Variants in AVEN observed in about 807,000 individuals in gnomAD.
AVEN encodes the protein cell death regulator Aven.
AVEN carries 41 observed loss-of-function variants against 38.1 expected under a neutral mutation model. That is an observed-to-expected ratio of 1.08 (90% CI 0.84 to 1.40). The LOEUF is 1.40. AVEN is among the 40% of genes most tolerant of loss of function. AVEN has a pLI of 0.00. For missense variants in AVEN, 605 were observed against 438.8 expected (o/e 1.38, Z -3.38); for synonymous variants, 206 against 171.8 (o/e 1.20, Z -1.56).
chr15:34,051,785 C>T (rs183048153), intron 5 of AVEN, among the ~76,000 whole-genome samples: 1 of 151,986 alleles, frequency 6.6e-6, no homozygotes, highest in Admixed American at 6.5e-5. Context: ...CAAGACTGAA[C>T]CAAGAAGAAA....
chr15:33,972,734 A>G (rs1311109707), intron 2 of AVEN, among the ~76,000 whole-genome samples: 1 of 152,206 alleles, frequency 6.6e-6, no homozygotes, highest in Non-Finnish European at 1.5e-5. Context: ...TGTTTGCAAC[A>G]GTAGCCAAAA....
In AVEN at chr15:33,982,103, A is replaced by G. The variant is rs192177687; in HGVS notation, c.445+20929T>C. ...GCTGGTCTTGAACTCCTGACCTCAG[A>G]TGATCCACCCGCCTCAGCCTCCCAA... is the stretch of plus-strand genomic sequence containing the variant. On this transcript the variant is annotated intron_variant, in intron 2 of 5. Transcript: ENST00000306730. 4.0e-3 allele frequency among the ~76,000 whole-genome samples: 600 copies of G among 151,734 alleles called. 3 individuals are homozygous for G. The highest frequency in any genetic ancestry group is 0.013 in the African/African-American group (547 of 41,342).
At chr15:33,870,402 A>G (rs1162968201) in intron 4 of AVEN, among the ~76,000 whole-genome samples, 3 of 152,200 alleles carry the variant, frequency 2.0e-5, no homozygotes, top group Non-Finnish European at 2.9e-5. Context: ...TTTAAATGCC[A>G]GCTCAAATGT....
intron 2 of AVEN, among the ~76,000 whole-genome samples, chr15:33,997,992 G>A (rs1000977149): frequency 6.6e-6 from 1 of 151,960 alleles, no homozygotes; most frequent in East Asian, 1.9e-4. Context: ...CCACTTCCTT[G>A]ACAACTATTT....
intron 1 of AVEN, among the ~76,000 whole-genome samples, chr15:34,071,507 C>G (rs2140857357): frequency 6.6e-6 from 1 of 152,228 alleles, no homozygotes; most frequent in Non-Finnish European, 1.5e-5. Context: ...AACTCCTGAG[C>G]TCAAGTGATC....
At chr15:33,985,069 C>T (rs1896364136) in intron 2 of AVEN, among the ~76,000 whole-genome samples, 1 of 152,070 alleles carries the variant, frequency 6.6e-6, no homozygotes, top group Non-Finnish European at 1.5e-5. Flanking sequence ...ACCTGTCACA[C>T]TGAACTGTAT....
intron 2 of AVEN, among the ~76,000 whole-genome samples, chr15:33,878,456 G>C (rs1891344315): frequency 1.4e-5 from 2 of 145,020 alleles, no homozygotes; most frequent in South Asian, 4.2e-4. Flanking sequence ...TGAGAAACTA[G>C]GCTAGTTACC....
intron 2 of AVEN, among the ~76,000 whole-genome samples, chr15:33,894,045 G>C (rs1421383372): frequency 6.6e-6 from 1 of 150,950 alleles, no homozygotes; most frequent in East Asian, 1.9e-4. Flanking sequence ...CACCTCCTGG[G>C]CTCAAGTGAT....
chr15:33,989,145 C>G (rs568662630), intron 2 of AVEN, among the ~76,000 whole-genome samples: 6 of 141,832 alleles, frequency 4.2e-5, no homozygotes, highest in Admixed American at 1.4e-4. Flanking sequence ...AAATCCCACA[C>G]AAACACACAC....
In AVEN at chr15:34,052,868, A is replaced by G. The variant is rs551967320; in HGVS notation, n.1637+10054T>C. 2.6e-5 allele frequency among the ~76,000 whole-genome samples: 4 copies of G among 152,328 alleles called. No individual in the cohort carries two copies. The South Asian group carries it at 8.3e-4, about 32-fold the overall frequency. On this transcript the variant is annotated intron_variant and non_coding_transcript_variant, in intron 5 of 11. Transcript: ENST00000675287. ...AGAGGACACAAACAAATGGAAAAAC[A>G]TCCCATGCTCATGGATAGGAAGAAT...
intron 4 of AVEN, chr15:34,064,751 C>A: frequency 5.1e-6 from 1 of 197,160 alleles, no homozygotes. Flanking sequence ...CCAGTGAGAA[C>A]CAGCAGGAGA....
chr15:33,917,357 T>TGTGTGC (rs1316252942), intron 2 of AVEN, among the ~76,000 whole-genome samples: 1 of 49,460 alleles, frequency 2.0e-5, no homozygotes, highest in Non-Finnish European at 3.7e-5. Context: ...ATGTGGTGTG[T>TGTGTGC]GTGTGTGTGT....
chr15:34,021,727 T>C (rs1446172767), intron 1 of AVEN, among the ~76,000 whole-genome samples: 2 of 151,918 alleles, frequency 1.3e-5, no homozygotes, highest in Non-Finnish European at 2.9e-5. Flanking sequence ...TGGTGGCAGG[T>C]GCCTGTAATC....
intron 2 of AVEN, among the ~76,000 whole-genome samples, chr15:33,914,559 G>A (rs559419879): frequency 2.6e-5 from 4 of 151,052 alleles, no homozygotes; most frequent in South Asian, 2.1e-4. Flanking sequence ...AGTACTAGAA[G>A]AAAATATAAA....
intron 2 of AVEN, among the ~76,000 whole-genome samples, chr15:33,990,534 C>G (rs999911274): frequency 1.3e-5 from 2 of 152,198 alleles, no homozygotes; most frequent in African/African-American, 4.8e-5. Flanking sequence ...CTAACGTTCT[C>G]TCATTAAGCC....
chr15:34,009,358 T>C (rs1223487937), intron 1 of AVEN, among the ~76,000 whole-genome samples: 2 of 152,212 alleles, frequency 1.3e-5, no homozygotes, highest in African/African-American at 4.8e-5. Flanking sequence ...TATGTAACTA[T>C]AAAATATCAC....
downstream of AVEN, chr15:33,864,184 G>C: frequency 6.2e-7 from 1 of 1,610,444 alleles, no homozygotes; most frequent in Non-Finnish European, 8.5e-7. Flanking sequence ...AGAGCACACG[G>C]GTCAGGTGAG....
downstream of AVEN, among the ~76,000 whole-genome samples, chr15:33,857,356 C>G (rs554940542): frequency 1.3e-5 from 2 of 152,180 alleles, no homozygotes; most frequent in South Asian, 4.2e-4. Flanking sequence ...TCTAGCCTCT[C>G]TCTCTGTGTC....
intron 2 of AVEN, among the ~76,000 whole-genome samples, chr15:33,898,319 T>C (rs1431167086): frequency 1.3e-5 from 2 of 152,198 alleles, no homozygotes; most frequent in South Asian, 2.1e-4. Context: ...CAACACACTA[T>C]ATGCGTTTCC....
Sources: gnomAD v4.1 joint callset for allele counts (sites outside exome capture counted in the v4.1 genomes callset) on GRCh38, gnomAD v4.1.1 for gene constraint, MANE v1.5 for transcripts, NCBI Gene and HGNC (gene_info 2026-07-23, HGNC 2026-07-21) for gene names.